TMEM132D: variants seen among roughly 807,000 people sequenced by gnomAD.
TMEM132D encodes transmembrane protein 132D, also known as mature OL transmembrane protein.
Under a neutral mutation model 62.3 loss-of-function variants are expected in TMEM132D, and 21 were observed. The observed-to-expected ratio is 0.34, with a 90% confidence interval of 0.24 to 0.49. TMEM132D has a LOEUF of 0.49. Ranked by LOEUF, TMEM132D falls within the 20% of genes least tolerant of loss-of-function variation. TMEM132D has a pLI of 0.99. For missense variants in TMEM132D, 1,346 were observed against 1,402.8 expected, an observed-to-expected ratio of 0.96 and a Z score of 0.65; for synonymous variants, 621 against 575.6, an observed-to-expected ratio of 1.08 and a Z score of -1.13.
intron 2 of TMEM132D, among the ~76,000 whole-genome samples, chr12:129,597,851 G>A (rs545125071): frequency 1.3e-5 from 2 of 152,222 alleles, no homozygotes; most frequent in South Asian, 2.1e-4. Context: ...ATTTCCTACC[G>A]AGTTCAGACT....
intron 4 of TMEM132D, among the ~76,000 whole-genome samples, chr12:129,264,408 C>A (rs1880632622): frequency 2.0e-5 from 3 of 152,020 alleles, no homozygotes; most frequent in Non-Finnish European, 4.4e-5. Context: ...GAAATCCTCC[C>A]CCAAAACCAG....
chr12:129,762,874 G>A (rs1329655410), intron 1 of TMEM132D, among the ~76,000 whole-genome samples: 1 of 152,150 alleles, frequency 6.6e-6, no homozygotes, highest in African/African-American at 2.4e-5. Context: ...AGGGTGGGTG[G>A]AAAGCAGCTA....
At chr12:129,318,784 T>TTGATGC (rs1868575044) in intron 4 of TMEM132D, among the ~76,000 whole-genome samples, 1 of 151,942 alleles carries the variant, frequency 6.6e-6, no homozygotes, top group South Asian at 2.1e-4. Context: ...TGGGTGGGTC[T>TTGATGC]TGCTGCTGCT....
chr12:129,708,185 C>A (rs1593128914), intron 1 of TMEM132D, among the ~76,000 whole-genome samples: 1 of 152,142 alleles, frequency 6.6e-6, no homozygotes, highest in Non-Finnish European at 1.5e-5. Flanking sequence ...CCAGTGCACT[C>A]CAGCTTGGAT....
At chr12:129,766,873 C>T (rs1870570805) in intron 1 of TMEM132D, among the ~76,000 whole-genome samples, 2 of 152,152 alleles carry the variant, frequency 1.3e-5, no homozygotes, top group South Asian at 4.1e-4. Context: ...GAGACGCCCA[C>T]CAGTACCATG....
At chr12:129,671,475 A>G (rs1758806014) in intron 2 of TMEM132D, among the ~76,000 whole-genome samples, 1 of 152,346 alleles carries the variant, frequency 6.6e-6, no homozygotes, top group African/African-American at 2.4e-5. Flanking sequence ...AACTCAAAAC[A>G]CCAGCTGCTT....
chr12:129,688,543 A>G (rs1368582692), intron 2 of TMEM132D, among the ~76,000 whole-genome samples: 1 of 152,112 alleles, frequency 6.6e-6, no homozygotes, highest in African/African-American at 2.4e-5. Context: ...TATTTTCCAC[A>G]CATGGCCTTG....
intron 1 of TMEM132D, among the ~76,000 whole-genome samples, chr12:129,874,835 G>A (rs986798761): frequency 2.6e-5 from 4 of 151,848 alleles, no homozygotes; most frequent in Non-Finnish European, 5.9e-5. Context: ...CGAATAGCTG[G>A]GATTACAGGC....
At chr12:129,565,631 C>T (rs983477023) in intron 2 of TMEM132D, among the ~76,000 whole-genome samples, 4 of 152,268 alleles carry the variant, frequency 2.6e-5, no homozygotes, top group Admixed American at 1.3e-4. Context: ...TTTTGGTTTC[C>T]AGCAGCCCAT....
intron 4 of TMEM132D, among the ~76,000 whole-genome samples, chr12:129,265,016 G>T (rs192246704): frequency 9.9e-5 from 15 of 152,220 alleles, no homozygotes; most frequent in African/African-American, 3.6e-4. Flanking sequence ...CACCACTAAA[G>T]ACTTACTCAT....
intron 3 of TMEM132D, among the ~76,000 whole-genome samples, chr12:129,420,742 C>A (rs7298874): frequency 0.71 from 107,250 of 151,994 alleles, 37,924 homozygotes; most frequent in East Asian, 0.76. Context: ...AAATCTGTCT[C>A]CAACTAAAAT....
At chr12:129,154,125 G>A (rs896129297) in intron 5 of TMEM132D, among the ~76,000 whole-genome samples, 1 of 152,126 alleles carries the variant, frequency 6.6e-6, no homozygotes, top group Non-Finnish European at 1.5e-5. Context: ...ATGGATGGTG[G>A]TCCCACAGAC....
At chr12:129,206,634 C>T (rs937300200) in intron 5 of TMEM132D, among the ~76,000 whole-genome samples, 2 of 152,168 alleles carry the variant, frequency 1.3e-5, no homozygotes, top group Admixed American at 6.5e-5. Flanking sequence ...ATCATTCTAC[C>T]ATAAAGATAC....
intron 4 of TMEM132D, among the ~76,000 whole-genome samples, chr12:129,318,461 T>G (rs1868563073): frequency 6.6e-6 from 1 of 152,144 alleles, no homozygotes. Flanking sequence ...GGGCTGGTAC[T>G]GGGGGTGGTC....
At chr12:129,740,654 C>G (rs1398899230) in intron 1 of TMEM132D, among the ~76,000 whole-genome samples, 1 of 151,954 alleles carries the variant, frequency 6.6e-6, no homozygotes, top group Non-Finnish European at 1.5e-5. Flanking sequence ...TGCCACATAC[C>G]CAACATTACA....
At chr12:129,492,413 A>C (rs1298728371) in intron 3 of TMEM132D, among the ~76,000 whole-genome samples, 123 of 152,238 alleles carry the variant, frequency 8.1e-4, no homozygotes, top group Non-Finnish European at 8.8e-5. Flanking sequence ...ACATAAGTAC[A>C]CTTAAATATA....
At chr12:129,685,950 T>C (rs188397392) in intron 2 of TMEM132D, among the ~76,000 whole-genome samples, 1 of 152,328 alleles carries the variant, frequency 6.6e-6, no homozygotes, top group Admixed American at 6.5e-5. Context: ...TTGACCAGTT[T>C]CTCCCATTTG....
intron 2 of TMEM132D, among the ~76,000 whole-genome samples, chr12:129,547,423 A>G (rs987615355): frequency 1.3e-5 from 2 of 152,118 alleles, no homozygotes; most frequent in Admixed American, 6.5e-5. Flanking sequence ...TCTCAAAGGA[A>G]TACTGGACCT....
intron 2 of TMEM132D, among the ~76,000 whole-genome samples, chr12:129,564,297 T>C (rs1355857246): frequency 6.6e-6 from 1 of 152,256 alleles, no homozygotes; most frequent in African/African-American, 2.4e-5. Flanking sequence ...ATATGTCATG[T>C]GGCATAGTTC....
Sources: allele counts gnomAD v4.1 joint callset (sites outside exome capture counted in the v4.1 genomes callset), GRCh38; gene constraint gnomAD v4.1.1; transcripts MANE v1.5; gene names NCBI Gene and HGNC (gene_info 2026-07-23, HGNC 2026-07-21).